TSPAN5: variants seen among roughly 807,000 people sequenced by gnomAD.
TSPAN5 encodes tetraspanin 5.
A neutral mutation model predicts 37.1 loss-of-function variants in TSPAN5; 10 were observed. That is an observed-to-expected ratio of 0.27 (90% confidence interval 0.17 to 0.46). TSPAN5 has a LOEUF of 0.46. Ranked by LOEUF, TSPAN5 falls within the 20% of genes least tolerant of loss-of-function variation. TSPAN5 has a pLI of 1.00. For synonymous variants in TSPAN5, 110 were observed against 118.9 expected, an observed-to-expected ratio of 0.93 and a Z score of 0.48; for missense variants, 195 against 326.6, an observed-to-expected ratio of 0.60 and a Z score of 3.11.
At chr4:98,495,300 C>T (rs1197100850) in intron 2 of TSPAN5, among the ~76,000 whole-genome samples, 5 of 152,100 alleles carry the variant, frequency 3.3e-5, no homozygotes, top group Non-Finnish European at 7.4e-5. Flanking sequence ...GAGGCCGAGG[C>T]GGGTGGATCA....
At chr4:98,527,648 G>C (rs76648480) in intron 1 of TSPAN5, among the ~76,000 whole-genome samples, 2,084 of 152,272 alleles carry the variant, frequency 0.014, 25 homozygotes, top group Non-Finnish European at 0.022. Context: ...TTCTCAGACT[G>C]ACTCGCCCCA....
intron 1 of TSPAN5, among the ~76,000 whole-genome samples, chr4:98,582,019 A>G (rs2110196117): frequency 6.6e-6 from 1 of 152,280 alleles, no homozygotes; most frequent in Admixed American, 6.5e-5. Context: ...CTTGTCTATG[A>G]GGAACATCTG....
intron 1 of TSPAN5, among the ~76,000 whole-genome samples, chr4:98,606,385 C>T (rs1445021510): frequency 3.9e-5 from 6 of 152,184 alleles, no homozygotes; most frequent in Non-Finnish European, 8.8e-5. Context: ...CCAAAGCATT[C>T]TTAGGTTTGC....
At chr4:98,530,810 T>C (rs1754064722) in intron 1 of TSPAN5, among the ~76,000 whole-genome samples, 2 of 152,042 alleles carry the variant, frequency 1.3e-5, no homozygotes, top group South Asian at 4.1e-4. Flanking sequence ...GGCAAGACCA[T>C]AGCTCACTGC....
chr4:98,519,850 G>A (rs1753815391), intron 1 of TSPAN5, among the ~76,000 whole-genome samples: 1 of 152,194 alleles, frequency 6.6e-6, no homozygotes, highest in Non-Finnish European at 1.5e-5. Flanking sequence ...TACTGGCTGT[G>A]TGACCTCAGA....
Position 98,568,595 on chromosome 4 carries a change from C to A in TSPAN5, c.82-60867G>T, listed in dbSNP as rs1755057426. Among the ~76,000 whole-genome samples the A allele has an allele frequency of 2.0e-5, 3 of 151,226 alleles. No individual in the cohort carries two copies. The South Asian group carries it at 6.3e-4, about 32-fold the overall frequency. On this transcript the variant is annotated intron_variant, in intron 1 of 7. Transcript: ENST00000305798. ...AAGAAGTCTGGATCACTCAGGGAGG[C>A]AGACAGAGGACCTCAGAGGCTAGGC...
intron 1 of TSPAN5, among the ~76,000 whole-genome samples, chr4:98,611,391 G>A (rs1241936812): frequency 6.6e-6 from 1 of 152,162 alleles, no homozygotes; most frequent in Non-Finnish European, 1.5e-5. Flanking sequence ...ATTGAAATGT[G>A]ATGTGAAGCA....
intron 1 of TSPAN5, among the ~76,000 whole-genome samples, chr4:98,608,534 T>C (rs1756095462): frequency 6.6e-6 from 1 of 152,162 alleles, no homozygotes; most frequent in Non-Finnish European, 1.5e-5. Flanking sequence ...AACAGTCTTC[T>C]GTGACAATCC....
intron 1 of TSPAN5, among the ~76,000 whole-genome samples, chr4:98,562,740 C>T (rs1754910315): frequency 1.3e-5 from 2 of 151,984 alleles, no homozygotes; most frequent in Non-Finnish European, 1.5e-5. Context: ...ACTGAGAAGG[C>T]TTGTGATACA....
At chr4:98,578,765 GC>G (rs1755303396) in intron 1 of TSPAN5, among the ~76,000 whole-genome samples, 1 of 151,944 alleles carries the variant, frequency 6.6e-6, no homozygotes, top group Non-Finnish European at 1.5e-5. Context: ...ATTGTCTTTG[GC>G]ACTATTCTCT....
chr4:98,601,445 C>T (rs1247877711), intron 1 of TSPAN5, among the ~76,000 whole-genome samples: 7 of 152,216 alleles, frequency 4.6e-5, no homozygotes, highest in Admixed American at 6.5e-5. Flanking sequence ...TACATGAGCA[C>T]GTGCTGCTTC....
At chr4:98,475,982 T>C (rs527425299) in intron 7 of TSPAN5, among the ~76,000 whole-genome samples, 1 of 151,444 alleles carries the variant, frequency 6.6e-6, no homozygotes, top group East Asian at 1.9e-4. Flanking sequence ...AGAGCAAGAC[T>C]CCATCTCAAA....
At chr4:98,581,565 C>T (rs1398283198) in intron 1 of TSPAN5, among the ~76,000 whole-genome samples, 1 of 152,146 alleles carries the variant, frequency 6.6e-6, no homozygotes, top group Non-Finnish European at 1.5e-5. Flanking sequence ...GTCACAATTA[C>T]GTTATTCCAC....
chr4:98,633,703 T>A (rs1430628634), intron 1 of TSPAN5, among the ~76,000 whole-genome samples: 1 of 152,162 alleles, frequency 6.6e-6, no homozygotes, highest in Non-Finnish European at 1.5e-5. Context: ...GACTGGATCG[T>A]CATGAAATAT....
chr4:98,643,824 A>T (rs1005244791), intron 1 of TSPAN5, among the ~76,000 whole-genome samples: 1 of 152,250 alleles, frequency 6.6e-6, no homozygotes, highest in African/African-American at 2.4e-5. Context: ...CAAAGAAAAC[A>T]CTATTTTCCC....
At chr4:98,581,444 T>C (rs1039729043) in intron 1 of TSPAN5, among the ~76,000 whole-genome samples, 2 of 152,312 alleles carry the variant, frequency 1.3e-5, no homozygotes, top group South Asian at 2.1e-4. Flanking sequence ...GGAAACTCTA[T>C]GCCTCAGCAC....
At chr4:98,530,579 G>T (rs1325444382) in intron 1 of TSPAN5, among the ~76,000 whole-genome samples, 1 of 152,172 alleles carries the variant, frequency 6.6e-6, no homozygotes, top group Non-Finnish European at 1.5e-5. Context: ...CATTGGACTT[G>T]GGAATAAGGG....
rs539661996 is a variant in TSPAN5 at position 98,658,321 on chromosome 4, G to A, written c.-95C>T. The A allele has an allele frequency of 4.8e-6, 5 of 1,046,730 alleles. No homozygotes were observed. Among genetic ancestry groups the A allele is most frequent in the African/African-American group, 1.6e-5 (1 of 63,734 alleles). The allele number at this position is 1,046,730 out of a possible 1,614,324, so 64.8% of individuals were successfully genotyped here. A position where few individuals can be genotyped will look rare whatever the true frequency, so the allele number is the denominator to read the frequency against. On this transcript the variant is annotated 5_prime_UTR_variant, in exon 1 of 8. Coordinates refer to ENST00000305798, the MANE Select transcript of TSPAN5 (RefSeq NM_005723.4). ...CAGCCCGGCGGGGAGCAGGAGCTCA[G>A]GGACACCGCACGGGGCCGCGGCGCT...
At chr4:98,594,147 T>G (rs902802293) in intron 1 of TSPAN5, among the ~76,000 whole-genome samples, 1 of 122,476 alleles carries the variant, frequency 8.2e-6, no homozygotes, top group East Asian at 2.2e-4. Flanking sequence ...CTTGAAGAGG[T>G]CCTTCACATC....
Sources: allele counts gnomAD v4.1 joint callset (sites outside exome capture counted in the v4.1 genomes callset), GRCh38; gene constraint gnomAD v4.1.1; transcripts MANE v1.5; gene names NCBI Gene and HGNC (gene_info 2026-07-23, HGNC 2026-07-21).